The following GATA4 variants were observed in gnomAD, a reference collection of about 807,000 sequenced individuals.
GATA4 encodes GATA binding protein 4.
In GATA4, 7 loss-of-function variants were observed where a neutral mutation model predicts 37.9. The ratio of observed to expected loss-of-function variants is 0.18; its 90% CI spans 0.11 to 0.35. GATA4 has a LOEUF of 0.35. Among genes scored for constraint, GATA4 ranks in the 10% least tolerant of loss-of-function variants. GATA4 has a pLI of 1.00. For synonymous variants in GATA4, 372 were observed against 292.6 expected (o/e 1.27, Z -2.77); for missense variants, 647 against 653.0 (o/e 0.99, Z 0.10).
At chr8:11,700,628 G>C (rs1799643373), upstream of GATA4, 1 of 152,280 alleles carries the variant, frequency 6.6e-6, no homozygotes, top group Non-Finnish European at 1.5e-5. Flanking sequence ...ATCGCAGACC[G>C]GCGCCCAGGC....
chr8:11,732,012 C>T (rs572299343), intron 2 of GATA4, among the ~76,000 whole-genome samples: 2 of 152,278 alleles, frequency 1.3e-5, no homozygotes, highest in Admixed American at 1.3e-4. Flanking sequence ...AGAAGGTTAT[C>T]CTTGGTGAGG....
At chr8:11,683,931 G>A (rs1041558431) in intron 1 of GATA4, among the ~76,000 whole-genome samples, 3 of 152,214 alleles carry the variant, frequency 2.0e-5, no homozygotes, top group Non-Finnish European at 4.4e-5. Context: ...ATTTCCCTGG[G>A]AGAAAATGGT....
chr8:11,743,705 G>A (rs1368277067), intron 2 of GATA4, among the ~76,000 whole-genome samples: 9 of 152,190 alleles, frequency 5.9e-5, no homozygotes, highest in African/African-American at 1.9e-4. Context: ...AGGAGAGGTC[G>A]GTGTCTTTGC....
chr8:11,688,515 T>C (rs1370559882), upstream of GATA4, among the ~76,000 whole-genome samples: 1 of 124,920 alleles, frequency 8.0e-6, no homozygotes, highest in South Asian at 2.7e-4. Flanking sequence ...TGCATGCGCG[T>C]GCGCGCATGC....
upstream of GATA4, chr8:11,676,958 C>G (rs1412517506): frequency 6.6e-6 from 1 of 152,240 alleles, no homozygotes; most frequent in Non-Finnish European, 1.5e-5. Context: ...AGACACGGCT[C>G]ACAACGTCTC....
intron 1 of GATA4, among the ~76,000 whole-genome samples, chr8:11,704,721 G>T (rs560099394): frequency 6.6e-6 from 1 of 152,264 alleles, no homozygotes; most frequent in Admixed American, 6.5e-5. Context: ...GTAGACGGAG[G>T]CTTGTCGCCC....
chr8:11,692,216 G>C (rs893144885), upstream of GATA4, among the ~76,000 whole-genome samples: 35 of 152,184 alleles, frequency 2.3e-4, no homozygotes, highest in African/African-American at 8.4e-4. Flanking sequence ...AACAACCAGA[G>C]GGAGGAAGGT....
At chr8:11,678,557 G>A (rs1157541861) in intron 1 of GATA4, among the ~76,000 whole-genome samples, 7 of 152,180 alleles carry the variant, frequency 4.6e-5, no homozygotes, top group African/African-American at 1.7e-4. Flanking sequence ...GAAAAGCAGG[G>A]ACGGGCCAAT....
Position 11,706,129 on chromosome 8 carries a change from G to T in GATA4, c.-457-1727G>T, listed in dbSNP as rs561385155. 8 of 152,278 alleles carry T rather than the reference G, an allele frequency of 5.3e-5. 1 individual carries two copies. Among genetic ancestry groups the T allele is most frequent in the African/African-American group, 1.9e-4 (8 of 41,554 alleles). 9.4% of individuals were successfully genotyped at this position (152,278 alleles called of 1,614,324 possible). Reference sequence around the variant, plus strand: ...ATCTATTCTCTAACCAAACTTGCTGGAATGAACTATTTGCCAAACCAATAA... The same window carrying T: ...ATCTATTCTCTAACCAAACTTGCTGTAATGAACTATTTGCCAAACCAATAA... On this transcript the variant is annotated intron_variant, in intron 1 of 6. Transcript: ENST00000532059.
In GATA4 at chr8:11,758,530, A is replaced by G; in HGVS notation, c.*55A>G. ...ACGGACCTGGGACTTGGAGGATAGC[A>G]AAGAAGGAGGCCCTGGGCTCCCAGG... On this transcript the variant is annotated 3_prime_UTR_variant, in exon 7 of 7. Coordinates refer to ENST00000532059, the MANE Select transcript of GATA4 (RefSeq NM_001308093.3). 1.3e-6 allele frequency: 2 copies of G among 1,586,720 alleles called. No homozygotes were observed. Among genetic ancestry groups the G allele is most frequent in the Non-Finnish European group, 1.7e-6 (2 of 1,155,246 alleles).
chr8:11,681,003 C>A (rs1425311569), intron 1 of GATA4: 4 of 942,724 alleles, frequency 4.2e-6, no homozygotes, highest in African/African-American at 1.8e-5. Context: ...AGACCCCGCA[C>A]CCCCGAATCC....
intron 1 of GATA4, chr8:11,683,154 G>A (rs969926085): frequency 3.7e-5 from 36 of 977,860 alleles, no homozygotes; most frequent in Non-Finnish European, 4.4e-5. Context: ...CAGAGATAAT[G>A]GAGGGGCTCG....
chr8:11,708,075 C>T lies in GATA4; in HGVS notation c.-238C>T, dbSNP rs1189064248. ...CTGCTCCTACATCAGCTTCCGGAAC[C>T]ACCAAAAATTCAAATTGGGATTTTC... is the stretch of plus-strand genomic sequence containing the variant. On this transcript the variant is annotated 5_prime_UTR_variant, in exon 2 of 7. Coordinates refer to ENST00000532059, the MANE Select transcript of GATA4 (RefSeq NM_001308093.3). This position sits in a 1 kb window ranked among gnomAD's most constrained non-coding sequence, Gnocchi z 6.7. 1 of 604,048 alleles carries T rather than the reference C, an allele frequency of 1.7e-6. No individual in the cohort carries two copies. Among genetic ancestry groups the T allele is most frequent in the African/African-American group, 1.9e-5 (1 of 54,010 alleles). 37.4% of individuals were successfully genotyped at this position (604,048 alleles called of 1,614,324 possible).
intron 1 of GATA4, among the ~76,000 whole-genome samples, chr8:11,683,738 A>G (rs1177428290): frequency 6.6e-6 from 1 of 152,176 alleles, no homozygotes; most frequent in African/African-American, 2.4e-5. Flanking sequence ...CCCAAGACAC[A>G]CAAATCGGAG....
At chr8:11,723,593 G>T (rs1050632835) in intron 2 of GATA4, among the ~76,000 whole-genome samples, 2 of 152,184 alleles carry the variant, frequency 1.3e-5, no homozygotes, top group African/African-American at 4.8e-5. Context: ...TCCTGTTAGT[G>T]AGGAATGGCG....
At chr8:11,756,157 T>C (rs1005935656) in intron 5 of GATA4, among the ~76,000 whole-genome samples, 2 of 152,182 alleles carry the variant, frequency 1.3e-5, no homozygotes, top group East Asian at 1.9e-4. Context: ...AGAAAATGAA[T>C]TGGCTGATCT....
At chr8:11,756,275 C>G (rs989530109) in intron 5 of GATA4, among the ~76,000 whole-genome samples, 1 of 152,222 alleles carries the variant, frequency 6.6e-6, no homozygotes, top group Non-Finnish European at 1.5e-5. Flanking sequence ...TCAACCATGG[C>G]TTATCCCTTC....
intron 2 of GATA4, among the ~76,000 whole-genome samples, chr8:11,736,902 C>G (rs1250112641): frequency 1.3e-5 from 2 of 152,082 alleles, no homozygotes; most frequent in Non-Finnish European, 2.9e-5. Context: ...TGTGTGCTGC[C>G]CAGGTCCACG....
intron 2 of GATA4, among the ~76,000 whole-genome samples, chr8:11,719,267 A>T (rs1255553060): frequency 2.0e-5 from 3 of 152,054 alleles, no homozygotes; most frequent in Non-Finnish European, 4.4e-5. Context: ...TCATAAATCA[A>T]ACCAGGTAAA....
Sources: allele counts gnomAD v4.1 joint callset (sites outside exome capture counted in the v4.1 genomes callset), GRCh38; gene constraint gnomAD v4.1.1; non-coding constraint Gnocchi (gnomAD v3.1); transcripts MANE v1.5; gene names NCBI Gene and HGNC (gene_info 2026-07-23, HGNC 2026-07-21).